RYR3: variants seen among roughly 807,000 people sequenced by gnomAD.
RYR3 encodes brain ryanodine receptor-calcium release channel.
RYR3 carries 207 observed loss-of-function variants against 584.3 expected under a neutral mutation model. The ratio of observed to expected loss-of-function variants is 0.35; its 90% CI spans 0.32 to 0.40. The LOEUF (loss-of-function observed/expected upper bound fraction) is 0.40. RYR3 is among the 10% of genes least tolerant of loss of function. RYR3 has a pLI of 1.00. For missense variants in RYR3, 5,616 were observed against 6,089.2 expected (o/e 0.92, Z 2.59); for synonymous variants, 2,416 against 2,248.5 (o/e 1.07, Z -2.11).
intron 3 of RYR3, among the ~76,000 whole-genome samples, chr15:33,520,326 T>C (rs1262154805): frequency 5.3e-5 from 8 of 152,220 alleles, no homozygotes; most frequent in Admixed American, 6.5e-5. Context: ...AATCGGACTT[T>C]TTGAATGTTA....
chr15:33,564,861 A>C (rs1291394088), intron 11 of RYR3, among the ~76,000 whole-genome samples: 1 of 152,224 alleles, frequency 6.6e-6, no homozygotes, highest in Non-Finnish European at 1.5e-5. Context: ...GATGGTGCTC[A>C]GCCCTTGACA....
chr15:33,707,084 T>C (rs2066771341), intron 43 of RYR3, 30 bp downstream of exon 43: 1 of 1,612,026 alleles, frequency 6.2e-7, no homozygotes, highest in Admixed American at 1.7e-5. Context: ...ATACCTCTTA[T>C]ACCCAGAATA....
chr15:33,804,977 A>G (rs2076106258), intron 69 of RYR3, among the ~76,000 whole-genome samples: 2 of 152,206 alleles, frequency 1.3e-5, no homozygotes, highest in South Asian at 2.1e-4. Context: ...CGCTGTTACT[A>G]CTTGATTAGT....
At chr15:33,726,578 C>G in intron 46 of RYR3, 72 bp downstream of exon 46, 1 of 1,459,730 alleles carries the variant, frequency 6.9e-7, no homozygotes, top group Non-Finnish European at 9.1e-7. Context: ...ACTCTGTCCC[C>G]AGCACAGTGG....
intron 48 of RYR3, among the ~76,000 whole-genome samples, chr15:33,735,928 T>C (rs542551148): frequency 6.6e-6 from 1 of 152,360 alleles, no homozygotes; most frequent in South Asian, 2.1e-4. Flanking sequence ...CTGCACCTTC[T>C]TTCTGTTATA....
intron 1 of RYR3, among the ~76,000 whole-genome samples, chr15:33,439,927 C>T (rs984596587): frequency 6.6e-6 from 1 of 152,164 alleles, no homozygotes; most frequent in African/African-American, 2.4e-5. Flanking sequence ...GGTATACAAG[C>T]ATGGATAGCG....
chr15:33,377,792 C>CT (rs201556362), intron 1 of RYR3, among the ~76,000 whole-genome samples: 12 of 151,518 alleles, frequency 7.9e-5, no homozygotes, highest in Admixed American at 2.0e-4. Flanking sequence ...TTCTAGAAAT[C>CT]TTTTTTTTTC....
chr15:33,749,599 G>A (rs1004862236), intron 55 of RYR3, among the ~76,000 whole-genome samples: 1 of 152,154 alleles, frequency 6.6e-6, no homozygotes, highest in African/African-American at 2.4e-5. Flanking sequence ...GCTTTCGGGG[G>A]TTCTAGACTT....
chr15:33,384,839 G>GC (rs1026286013), intron 1 of RYR3, among the ~76,000 whole-genome samples: 1 of 151,858 alleles, frequency 6.6e-6, no homozygotes, highest in Non-Finnish European at 1.5e-5. Flanking sequence ...TCCTTAACAT[G>GC]CCCCCCACCT....
At chr15:33,741,448 C>A (rs2070094541) in intron 51 of RYR3, among the ~76,000 whole-genome samples, 1 of 150,314 alleles carries the variant, frequency 6.7e-6, no homozygotes, top group African/African-American at 2.5e-5. Flanking sequence ...CAGTCATATG[C>A]CCATCCTTGG....
At chr15:33,647,895 G>T (rs150174065) in intron 30 of RYR3, among the ~76,000 whole-genome samples, 1 of 149,994 alleles carries the variant, frequency 6.7e-6, no homozygotes, top group Non-Finnish European at 1.5e-5. Context: ...AGAAGCCATC[G>T]CAGAAGATGG....
intron 98 of RYR3, among the ~76,000 whole-genome samples, chr15:33,855,519 G>A (rs1372633651): frequency 2.0e-5 from 3 of 152,078 alleles, no homozygotes; most frequent in Non-Finnish European, 4.4e-5. Flanking sequence ...TCTTTTTAAG[G>A]TCTACCCCTT....
rs1040458896 is a variant in RYR3 at position 33,570,242 on chromosome 15, A to G, written c.1268+3443A>G. Among the ~76,000 whole-genome samples the G allele has an allele frequency of 9.9e-5, 15 of 152,170 alleles. No homozygotes were observed. In the South Asian group the frequency reaches 1.5e-3, roughly 15 times the overall value. ...TAGGTCCGTGATCTATTTTGAGTCTATTTCTGTGCATAGTATGAGGTAAAG... is the reference window on the plus strand; with the variant it reads ...TAGGTCCGTGATCTATTTTGAGTCTGTTTCTGTGCATAGTATGAGGTAAAG... On this transcript the variant is annotated intron_variant, in intron 12 of 103. Transcript: ENST00000634891.
chr15:33,447,607 G>A (rs1268005198), intron 1 of RYR3, among the ~76,000 whole-genome samples: 1 of 152,126 alleles, frequency 6.6e-6, no homozygotes, highest in Non-Finnish European at 1.5e-5. Context: ...TCCTTGAAAG[G>A]ACTGTCACAG....
intron 62 of RYR3, among the ~76,000 whole-genome samples, chr15:33,771,593 A>C (rs1013137949): frequency 5.3e-5 from 8 of 152,194 alleles, no homozygotes; most frequent in Non-Finnish European, 7.3e-5. Context: ...TGTTCTTTTA[A>C]CTAGATCTTT....
chr15:33,532,240 G>T (rs1372084489), intron 4 of RYR3, among the ~76,000 whole-genome samples: 1 of 152,068 alleles, frequency 6.6e-6, no homozygotes, highest in Non-Finnish European at 1.5e-5. Flanking sequence ...GGAGGCCATG[G>T]GATGCTTTAT....
chr15:33,783,410 T>G (rs1285425118), intron 65 of RYR3, among the ~76,000 whole-genome samples: 2 of 152,224 alleles, frequency 1.3e-5, no homozygotes, highest in African/African-American at 2.4e-5. Flanking sequence ...CGGAATTCAT[T>G]CTGTGGGTTT....
chr15:33,776,129 C>G (rs1456835723), intron 64 of RYR3, among the ~76,000 whole-genome samples: 1 of 152,208 alleles, frequency 6.6e-6, no homozygotes, highest in East Asian at 1.9e-4. Context: ...AAGGGAATCA[C>G]TACATACTTG....
intron 1 of RYR3, among the ~76,000 whole-genome samples, chr15:33,421,279 G>A (rs2044222923): frequency 6.6e-6 from 1 of 152,144 alleles, no homozygotes; most frequent in Non-Finnish European, 1.5e-5. Context: ...TCATGCAAGG[G>A]AGTTATCTAA....
Sources: gnomAD v4.1 joint callset for allele counts (sites outside exome capture counted in the v4.1 genomes callset) on GRCh38, gnomAD v4.1.1 for gene constraint, MANE v1.5 for transcripts, NCBI Gene and HGNC (gene_info 2026-07-23, HGNC 2026-07-21) for gene names.